Variants in DLG2 observed in about 807,000 individuals in gnomAD.
DLG2 encodes discs large MAGUK scaffold protein 2.
A neutral mutation model predicts 132.5 loss-of-function variants in DLG2; 45 were observed. That is an observed-to-expected ratio of 0.34 (90% CI 0.27 to 0.44). The LOEUF is 0.44. DLG2 is among the 20% of genes least tolerant of loss of function. The probability of loss-of-function intolerance (pLI) is 1.00; values close to 1 mark genes in which losing one functional copy is unlikely to be tolerated. For synonymous variants in DLG2, 424 were observed against 419.6 expected (o/e 1.01, Z -0.13); for missense variants, 1,045 against 1,196.9 (o/e 0.87, Z 1.87).
At chr11:84,572,208 C>G (rs1364198537) in intron 6 of DLG2, among the ~76,000 whole-genome samples, 5 of 152,060 alleles carry the variant, frequency 3.3e-5, no homozygotes, top group Non-Finnish European at 7.4e-5. Context: ...AGATTTAAAT[C>G]CACATATTTT....
chr11:85,443,090 G>T (rs1565498201), intron 3 of DLG2, among the ~76,000 whole-genome samples: 1 of 152,028 alleles, frequency 6.6e-6, no homozygotes, highest in African/African-American at 2.4e-5. Flanking sequence ...AAAAAGAATT[G>T]AAAAAATCCT....
chr11:84,118,243 T>A (rs1005974099), intron 9 of DLG2, among the ~76,000 whole-genome samples: 5 of 152,166 alleles, frequency 3.3e-5, no homozygotes, highest in Non-Finnish European at 5.9e-5. Context: ...CTACAAAAGA[T>A]CAAGCAGTTC....
At chr11:85,534,422 G>A (rs2075435447) in intron 3 of DLG2, among the ~76,000 whole-genome samples, 2 of 151,812 alleles carry the variant, frequency 1.3e-5, no homozygotes, top group Admixed American at 6.6e-5. Context: ...TGAAGTTTGG[G>A]CTTCTAATAA....
At chr11:83,920,127 G>T (rs1218838879) in intron 15 of DLG2, among the ~76,000 whole-genome samples, 1 of 152,074 alleles carries the variant, frequency 6.6e-6, no homozygotes, top group Admixed American at 6.6e-5. Context: ...GCTTAGTAGT[G>T]GCCCAGTGTA....
intron 7 of DLG2, among the ~76,000 whole-genome samples, chr11:84,262,188 G>T (rs1264879497): frequency 6.6e-6 from 1 of 152,094 alleles, no homozygotes; most frequent in African/African-American, 2.4e-5. Context: ...CTAATAACCA[G>T]ATGGAGCCAA....
chr11:84,916,348 CAAAAAAAAAAAAAAAAAAAAAAA>C lies in DLG2; in HGVS notation c.357+195290_357+195312del, dbSNP rs11423369. ...TGGGCGACAGAGCGAGACTCCGTCT[CAAAAAAAAAAAAAAAAAAAAAAA>C]AAAAAAAAGAAGCAGTAAAATGGCA... On this transcript the variant is annotated intron_variant, in intron 6 of 27. Transcript: ENST00000376104. 7.2e-5 allele frequency among the ~76,000 whole-genome samples: 2 copies of C among 27,938 alleles called. 1 individual carries two copies. 18.3% of individuals were successfully genotyped at this position (27,938 alleles called of 152,430 possible). A position where few individuals can be genotyped will look rare whatever the true frequency, so the allele number is the denominator to read the frequency against.
At chr11:84,524,977 A>G (rs1214500720) in intron 7 of DLG2, among the ~76,000 whole-genome samples, 2 of 152,050 alleles carry the variant, frequency 1.3e-5, no homozygotes, top group Non-Finnish European at 2.9e-5. Flanking sequence ...CCCTTTTAGT[A>G]GAAGTTCATA....
At chr11:83,936,805 T>C (rs575139705) in intron 14 of DLG2, among the ~76,000 whole-genome samples, 1 of 152,362 alleles carries the variant, frequency 6.6e-6, no homozygotes, top group South Asian at 2.1e-4. Flanking sequence ...TTAATGACCT[T>C]GACAATGGTG....
chr11:83,687,391 G>C (rs910371807), intron 18 of DLG2, among the ~76,000 whole-genome samples: 1 of 152,078 alleles, frequency 6.6e-6, no homozygotes, highest in Non-Finnish European at 1.5e-5. Context: ...AATCTGTACC[G>C]CTTCAAAGTC....
chr11:84,433,973 C>T (rs1205593190), intron 7 of DLG2, among the ~76,000 whole-genome samples: 2 of 151,812 alleles, frequency 1.3e-5, no homozygotes, highest in Admixed American at 6.6e-5. Context: ...CAAAAATTAG[C>T]CGGGCATATT....
intron 14 of DLG2, 99 bp downstream of exon 14, chr11:83,962,786 G>T: frequency 6.9e-7 from 1 of 1,444,602 alleles, no homozygotes; most frequent in Non-Finnish European, 9.5e-7. Flanking sequence ...GGACCCAGAA[G>T]CTTTAGTTAG....
At chr11:84,112,233 C>A (rs867525875) in intron 9 of DLG2, among the ~76,000 whole-genome samples, 1 of 151,572 alleles carries the variant, frequency 6.6e-6, no homozygotes, top group Non-Finnish European at 1.5e-5. Flanking sequence ...CTCCTTACCC[C>A]GTGATCCACC....
At chr11:83,935,665 C>G (rs1387341958) in intron 14 of DLG2, among the ~76,000 whole-genome samples, 1 of 152,106 alleles carries the variant, frequency 6.6e-6, no homozygotes, top group Non-Finnish European at 1.5e-5. Context: ...GAGTAGATGC[C>G]TATTTGCGCC....
chr11:84,684,681 T>C (rs904319467), intron 6 of DLG2, among the ~76,000 whole-genome samples: 2 of 152,194 alleles, frequency 1.3e-5, no homozygotes, highest in African/African-American at 4.8e-5. Flanking sequence ...TTCTCCTCTG[T>C]AAAGTGGGAA....
chr11:84,835,946 T>G (rs1307913678), intron 6 of DLG2, among the ~76,000 whole-genome samples: 1 of 151,670 alleles, frequency 6.6e-6, no homozygotes, highest in African/African-American at 2.4e-5. Context: ...GGCCTGCAAA[T>G]CATCTTTTTT....
chr11:85,241,299 A>G (rs2152676904), intron 4 of DLG2, among the ~76,000 whole-genome samples: 1 of 151,866 alleles, frequency 6.6e-6, no homozygotes, highest in South Asian at 2.1e-4. Context: ...AGGGTATGGG[A>G]GGGATTAATA....
intron 6 of DLG2, among the ~76,000 whole-genome samples, chr11:84,622,015 CAGTA>C (rs1380515392): frequency 2.6e-5 from 4 of 152,234 alleles, no homozygotes; most frequent in South Asian, 4.1e-4. Flanking sequence ...CCTTAAGGGT[CAGTA>C]AGTAAGTAAA....
intron 3 of DLG2, among the ~76,000 whole-genome samples, chr11:85,579,417 C>G (rs1034453842): frequency 6.6e-6 from 1 of 151,838 alleles, no homozygotes; most frequent in Non-Finnish European, 1.5e-5. Context: ...AGAGAGAGAC[C>G]TGAGGACTTA....
intron 7 of DLG2, among the ~76,000 whole-genome samples, chr11:84,402,080 A>G (rs1278166101): frequency 6.6e-6 from 1 of 152,224 alleles, no homozygotes; most frequent in Non-Finnish European, 1.5e-5. Context: ...GTTTTCAGAT[A>G]AGCCATGCCT....
Sources: gnomAD v4.1 joint callset for allele counts (sites outside exome capture counted in the v4.1 genomes callset) on GRCh38, gnomAD v4.1.1 for gene constraint, MANE v1.5 for transcripts, NCBI Gene and HGNC (gene_info 2026-07-23, HGNC 2026-07-21) for gene names.